POM121C: variants seen among roughly 807,000 people sequenced by gnomAD.
POM121C encodes the protein POM121 transmembrane nucleoporin C, also known as nuclear envelope pore membrane protein POM 121C.
In POM121C, 20 loss-of-function variants were observed where a neutral mutation model predicts 66.4. The ratio of observed to expected loss-of-function variants is 0.30; its 90% CI spans 0.21 to 0.44. The LOEUF (loss-of-function observed/expected upper bound fraction) is 0.44. Ranked by LOEUF, POM121C falls within the 20% of genes least tolerant of loss-of-function variation. The probability of loss-of-function intolerance (pLI) is 1.00; values close to 1 mark genes in which losing one functional copy is unlikely to be tolerated. For synonymous variants in POM121C, 286 were observed against 528.0 expected (o/e 0.54, Z 6.28); for missense variants, 580 against 1,225.7 (o/e 0.47, Z 7.87).
intron 3 of POM121C, among the ~76,000 whole-genome samples, chr7:75,456,792 G>GAGATGGAATAAGCACACCCATTACA: frequency 6.6e-6 from 1 of 152,206 alleles, no homozygotes; most frequent in Non-Finnish European, 1.5e-5. Context: ...AGTTCCATAG[G>GAGATGGAATAAGCACACCCATTACA]AGATGGAATA....
intron 7 of POM121C, among the ~76,000 whole-genome samples, chr7:75,434,939 T>A (rs1554472896): frequency 6.6e-6 from 1 of 152,096 alleles, no homozygotes; most frequent in Non-Finnish European, 1.5e-5. Flanking sequence ...AATCTGCTGG[T>A]GAGGCCAGGG....
intron 7 of POM121C, among the ~76,000 whole-genome samples, chr7:75,436,844 C>T (rs1457790149): frequency 3.3e-5 from 5 of 152,062 alleles, no homozygotes; most frequent in African/African-American, 1.2e-4. Flanking sequence ...TAGTCTTGAA[C>T]TCCTGGGCTC....
chr7:75,452,433 C>T (rs1470343510), intron 3 of POM121C, among the ~76,000 whole-genome samples: 7 of 152,252 alleles, frequency 4.6e-5, no homozygotes, highest in East Asian at 3.9e-4. Flanking sequence ...CTTGCCTAGG[C>T]GAGTGAGACT....
chr7:75,461,248 C>G (rs1405571782), intron 3 of POM121C, among the ~76,000 whole-genome samples: 1 of 151,962 alleles, frequency 6.6e-6, no homozygotes, highest in Non-Finnish European at 1.5e-5. Context: ...AAGCTTAGAC[C>G]ATTCACAGGA....
At position 75,425,670 on chromosome 7, in the gene POM121C, G is replaced by A. The variant is rs1554471632; in HGVS notation, c.611C>T (p.Pro204Leu). 1 of 1,611,762 alleles carries A rather than the reference G, an allele frequency of 6.2e-7. No homozygotes were observed. The highest frequency in any genetic ancestry group is 8.5e-7 in the Non-Finnish European group (1 of 1,179,124). ...ELCHHSSSST[P>L]LAADKESQGE... is the part of the protein sequence containing the mutation. ...CTGGGACTCCTTGTCTGCTGCCAAT[G>A]GAGTTGAAGAACTGGAATGATGACA... Residue 204 changes from proline to leucine, a missense_variant, in exon 9 of 15, where the codon CCA becomes CTA. By Grantham distance (98) the Pro-to-Leu change is moderately conservative. Coordinates refer to ENST00000615331, the MANE Select transcript of POM121C (RefSeq NM_001099415.3).
At position 75,425,081 on chromosome 7, in the gene POM121C, A is replaced by T; in HGVS notation, c.761T>A (p.Leu254Gln). ...AGATGGACAAGACCATACCAAGGTCAGCTGTTCCCCTCGCCGAGAAGGCAG... is the reference window on the plus strand; with the variant it reads ...AGATGGACAAGACCATACCAAGGTCTGCTGTTCCCCTCGCCGAGAAGGCAG... ...QLLPSRRGEQ[L>Q]TLPPPPQLGY... Residue 254 changes from leucine to glutamine, a missense_variant, in exon 10 of 15, where the codon CTG becomes CAG. Physicochemically the swap from Leu to Gln is moderately radical, Grantham distance 113. Coordinates refer to ENST00000615331, the MANE Select transcript of POM121C (RefSeq NM_001099415.3). 4.7e-6 allele frequency: 7 copies of T among 1,474,652 alleles called. No individual in the cohort carries two copies. Among genetic ancestry groups the T allele is most frequent in the Non-Finnish European group, 5.4e-6 (6 of 1,112,072 alleles). The allele number at this position is 1,474,652 out of a possible 1,614,324, so 91.3% of individuals were successfully genotyped here.
chr7:75,482,804 T>C (rs1554480322), intron 1 of POM121C, among the ~76,000 whole-genome samples: 1 of 151,960 alleles, frequency 6.6e-6, no homozygotes, highest in African/African-American at 2.4e-5. Context: ...GGAGAAAATA[T>C]CAGTTTGGAA....
At chr7:75,480,740 C>A (rs1792273967) in intron 1 of POM121C, among the ~76,000 whole-genome samples, 3 of 152,078 alleles carry the variant, frequency 2.0e-5, no homozygotes, top group Admixed American at 1.3e-4. Flanking sequence ...TGGAACAAAT[C>A]CGTATTAAAC....
At chr7:75,447,750 G>A (rs1440586601) in intron 3 of POM121C, among the ~76,000 whole-genome samples, 2 of 151,846 alleles carry the variant, frequency 1.3e-5, no homozygotes, top group Admixed American at 6.6e-5. Flanking sequence ...TAGGCCAGGA[G>A]CAGTGGCTCA....
At chr7:75,461,061 A>G (rs1791426357) in intron 3 of POM121C, among the ~76,000 whole-genome samples, 2 of 152,148 alleles carry the variant, frequency 1.3e-5, no homozygotes, top group Non-Finnish European at 2.9e-5. Flanking sequence ...AGGAAGAAAC[A>G]CTTTGCAAAA....
At chr7:75,423,996 C>G in intron 12 of POM121C, 53 bp downstream of exon 12, 1 of 1,591,938 alleles carries the variant, frequency 6.3e-7, no homozygotes, top group African/African-American at 1.3e-5. Flanking sequence ...TATTCCAACC[C>G]AAGCCGGGGA....
At position 75,480,531 on chromosome 7, in the gene POM121C, C is replaced by T. The variant is rs587602018; in HGVS notation, c.-458+5333G>A. On this transcript the variant is annotated intron_variant, in intron 1 of 14. Coordinates refer to ENST00000615331, the MANE Select transcript of POM121C (RefSeq NM_001099415.3). ...ATCACTCCACCCAACCAGAGCAGAA[C>T]AAGCCATCTTCTCAGGCATGCACAG... 3.2e-4 allele frequency among the ~76,000 whole-genome samples: 49 copies of T among 152,276 alleles called. No homozygotes were observed. The East Asian group carries it at 7.7e-3, about 24-fold the overall frequency.
At position 75,437,559 on chromosome 7, in the gene POM121C, T is replaced by A. The variant is rs782338083; in HGVS notation, c.436A>T (p.Asn146Tyr). 4.3e-6 allele frequency: 7 copies of A among 1,613,922 alleles called. No individual in the cohort carries two copies. Among genetic ancestry groups the A allele is most frequent in the Non-Finnish European group, 5.9e-6 (7 of 1,179,844 alleles). Residue 146 changes from asparagine to tyrosine, a missense_variant, in exon 7 of 15, where the codon AAT becomes TAT. By Grantham distance (143) the Asn-to-Tyr change is moderately radical (BLOSUM62 -2). Transcript: ENST00000615331. ...YTSGIPSSSR[N>Y]AITSSYSSTR... ...GAGCTGTAGGAACTGGTAATGGCAT[T>A]GCGGCTGGAGCTAGGGATGCCACTT...
Position 75,475,059 on chromosome 7 carries a change from C to G in POM121C, c.-331+3G>C. On this transcript the variant is annotated splice_donor_region_variant and intron_variant, in intron 2 of 14. Transcript: ENST00000615331. Reference sequence around the variant, plus strand: ...GAGCATTCAGAAAGCAAGCTATCCTCACCCAAGGAAACTAGATGGCTGTAG... The same window carrying G: ...GAGCATTCAGAAAGCAAGCTATCCTGACCCAAGGAAACTAGATGGCTGTAG... The G allele has an allele frequency of 7.3e-7, 1 of 1,365,626 alleles. No homozygotes were observed. 84.6% of individuals were successfully genotyped at this position (1,365,626 alleles called of 1,614,324 possible).
chr7:75,483,626 T>C (rs1792397867), intron 1 of POM121C, among the ~76,000 whole-genome samples: 1 of 152,230 alleles, frequency 6.6e-6, no homozygotes, highest in African/African-American at 2.4e-5. Context: ...AATGGACTAA[T>C]ACAGATGGCA....
At chr7:75,442,213 A>C in intron 3 of POM121C, 1 of 1,267,878 alleles carries the variant, frequency 7.9e-7, no homozygotes, top group East Asian at 3.6e-5. Context: ...GGTGAACGCG[A>C]TGGGTCGGCT....
chr7:75,424,529 T>G lies in POM121C; in HGVS notation c.868A>C (p.Ser290Arg). The G allele has an allele frequency of 6.2e-7, 1 of 1,613,784 alleles. No homozygotes were observed. Among genetic ancestry groups the G allele is most frequent in the South Asian group, 1.1e-5 (1 of 91,072 alleles). ...TGCAACGATCTGTGCTCCTTACCAC[T>G]CTTGTCCTCCAAGGCCTGGTTGAAC... ...QWFNQALEDKSDAASNSVTET... is the reference protein window; with the variant it reads ...QWFNQALEDKRDAASNSVTET... Residue 290 changes from serine to arginine, a missense_variant, in exon 11 of 15, where the codon AGT becomes CGT. Transcript: ENST00000615331.
chr7:75,440,763 G>A (rs1384610022), intron 5 of POM121C, 191 bp downstream of exon 5: 17 of 883,264 alleles, frequency 1.9e-5, no homozygotes, highest in Middle Eastern at 3.5e-4. Flanking sequence ...TTATGACATC[G>A]ATCTAACCTG....
intron 7 of POM121C, among the ~76,000 whole-genome samples, chr7:75,437,056 A>T (rs1179674084): frequency 2.0e-5 from 3 of 152,192 alleles, no homozygotes; most frequent in Non-Finnish European, 4.4e-5. Flanking sequence ...ATGCCTATAA[A>T]TCTCTTTTAT....
Sources: allele counts gnomAD v4.1 joint callset (sites outside exome capture counted in the v4.1 genomes callset), GRCh38; gene constraint gnomAD v4.1.1; transcripts MANE v1.5; gene names NCBI Gene and HGNC (gene_info 2026-07-23, HGNC 2026-07-21).